MYO1H: variants seen among roughly 807,000 people sequenced by gnomAD.
MYO1H encodes unconventional myosin-Ih.
MYO1H carries 118 observed loss-of-function variants against 149.3 expected under a neutral mutation model. The ratio of observed to expected loss-of-function variants is 0.79; its 90% CI spans 0.68 to 0.92. The LOEUF (loss-of-function observed/expected upper bound fraction) is 0.92. MYO1H is among the 40% of genes least tolerant of loss of function. MYO1H has a pLI of 0.00. For missense variants in MYO1H, 1,212 were observed against 1,280.7 expected (o/e 0.95, Z 0.82); for synonymous variants, 447 against 465.2 (o/e 0.96, Z 0.50).
chr12:109,444,390 C>G, intron 29 of MYO1H, 42 bp from the exon 30 acceptor site: 1 of 1,582,268 alleles, frequency 6.3e-7, no homozygotes, highest in Non-Finnish European at 8.7e-7. Flanking sequence ...TTTCTTTAAG[C>G]TGTGAATACT....
chr12:109,399,675 G>T (rs1444007759), intron 5 of MYO1H, among the ~76,000 whole-genome samples: 7 of 151,892 alleles, frequency 4.6e-5, no homozygotes, highest in African/African-American at 1.7e-4. Context: ...ACTTTGGGAG[G>T]TCGAGGTGAG....
chr12:109,351,612 T>G (rs989794481), intron 1 of MYO1H, among the ~76,000 whole-genome samples: 26 of 152,234 alleles, frequency 1.7e-4, no homozygotes, highest in Non-Finnish European at 1.3e-4. Context: ...TATAATGCCT[T>G]GCACACAGTA....
intron 15 of MYO1H, among the ~76,000 whole-genome samples, chr12:109,415,906 C>CATTTTATTTTATTTT (rs78343064): frequency 5.9e-4 from 85 of 144,574 alleles, no homozygotes; most frequent in African/African-American, 1.9e-3. Flanking sequence ...TACCACCATT[C>CATTTTATTTTATTTT]ATTTTATTTT....
chr12:109,407,449 A>T (rs1870441600), intron 9 of MYO1H, among the ~76,000 whole-genome samples: 1 of 151,994 alleles, frequency 6.6e-6, no homozygotes. Context: ...TCTTCCCAGC[A>T]TGTATCCTTT....
intron 1 of MYO1H, among the ~76,000 whole-genome samples, chr12:109,376,284 C>T (rs1056555191): frequency 2.6e-5 from 4 of 152,156 alleles, no homozygotes; most frequent in Admixed American, 2.0e-4. Context: ...AACTACTGAT[C>T]CACTTTCCAT....
At chr12:109,336,604 A>C in the MYO1H span, among the ~76,000 whole-genome samples, 2 of 152,220 alleles carry the variant, frequency 1.3e-5, no homozygotes, top group Non-Finnish European at 1.5e-5. Context: ...CAATTTCAGT[A>C]GAAAAAAATA....
Position 109,415,521 on chromosome 12 carries a change from C to T in MYO1H, c.1503-5C>T, listed in dbSNP as rs779703524. The T allele has an allele frequency of 6.3e-6, 10 of 1,598,590 alleles. No individual in the cohort carries two copies. The East Asian group carries it at 1.6e-4, about 25-fold the overall frequency. ...GTTCAACTCGTGTCTATTTCTGTCT[C>T]GTAGCCGTAAGCTGGCTGGTCCAAA... On this transcript the variant is annotated splice_region_variant and splice_polypyrimidine_tract_variant and intron_variant, in intron 14 of 31. Coordinates refer to ENST00000310903, the Ensembl canonical transcript of MYO1H.
the MYO1H span, among the ~76,000 whole-genome samples, chr12:109,323,352 TTGAAA>T: frequency 1.3e-5 from 2 of 152,236 alleles, no homozygotes; most frequent in East Asian, 1.9e-4. Flanking sequence ...TTGTCCGATG[TTGAAA>T]TGAATTAATT....
At chr12:109,331,285 C>G in the MYO1H span, among the ~76,000 whole-genome samples, 1 of 152,200 alleles carries the variant, frequency 6.6e-6, no homozygotes. Context: ...TTTTAACACT[C>G]CAAGGCAGCA....
At chr12:109,313,723 C>T in the MYO1H span, among the ~76,000 whole-genome samples, 1 of 152,130 alleles carries the variant, frequency 6.6e-6, no homozygotes, top group Admixed American at 6.5e-5. Context: ...CAAAATCAAG[C>T]CTGTTATGGA....
At chr12:109,442,493 C>A (rs1247939794) in intron 27 of MYO1H, among the ~76,000 whole-genome samples, 1 of 152,332 alleles carries the variant, frequency 6.6e-6, no homozygotes, top group Middle Eastern at 3.4e-3. Flanking sequence ...ACCCTAGAAA[C>A]TGTCTTGGTT....
chr12:109,428,303 G>C (rs7137190), intron 19 of MYO1H, among the ~76,000 whole-genome samples: 77,881 of 151,818 alleles, frequency 0.51, 20,899 homozygotes, highest in African/African-American at 0.66. Context: ...GTGCCTTAGC[G>C]CAACGGGCTG....
intron 2 of MYO1H, among the ~76,000 whole-genome samples, chr12:109,392,638 C>T (rs1869704138): frequency 6.6e-6 from 1 of 151,692 alleles, no homozygotes; most frequent in African/African-American, 2.4e-5. Context: ...ATCACTTGAA[C>T]CTGGGAGGCA....
At chr12:109,363,726 A>G (rs1426936580) in intron 1 of MYO1H, among the ~76,000 whole-genome samples, 2 of 151,942 alleles carry the variant, frequency 1.3e-5, no homozygotes, top group Non-Finnish European at 1.5e-5. Context: ...AAAAAAGAAG[A>G]AGACGCGTCT....
chr12:109,401,685 C>T (rs913833162), intron 6 of MYO1H, among the ~76,000 whole-genome samples: 15 of 152,146 alleles, frequency 9.9e-5, no homozygotes, highest in African/African-American at 3.1e-4. Context: ...GATAGAAACT[C>T]ACTGTCCAAC....
intron 1 of MYO1H, among the ~76,000 whole-genome samples, chr12:109,349,900 G>A (rs891488631): frequency 7.3e-5 from 11 of 149,752 alleles, no homozygotes; most frequent in African/African-American, 2.5e-4. Context: ...GGCAGAGCTT[G>A]CAGTGAGCGG....
At chr12:109,366,801 A>T (rs377457697) in intron 1 of MYO1H, among the ~76,000 whole-genome samples, 3 of 152,360 alleles carry the variant, frequency 2.0e-5, no homozygotes, top group East Asian at 3.9e-4. Flanking sequence ...CAGCTCTGCC[A>T]CTTACCAGCT....
At chr12:109,404,550 GA>G (rs1347858517) in intron 7 of MYO1H, among the ~76,000 whole-genome samples, 1 of 152,200 alleles carries the variant, frequency 6.6e-6, no homozygotes, top group African/African-American at 2.4e-5. Context: ...AAACAGTGAA[GA>G]ATTTTTTAGT....
exon 4 of MYO1H, chr12:109,396,445 C>T (rs1432007382): frequency 1.2e-6 from 2 of 1,613,806 alleles, no homozygotes; most frequent in Non-Finnish European, 1.7e-6. Flanking sequence ...CCATTTCATC[C>T]TCATTTCTGG....
Sources: allele counts gnomAD v4.1 joint callset (sites outside exome capture counted in the v4.1 genomes callset), GRCh38; gene constraint gnomAD v4.1.1; transcripts MANE v1.5; gene names NCBI Gene and HGNC (gene_info 2026-07-23, HGNC 2026-07-21).